The following NME7 variants were observed in gnomAD, a reference collection of about 807,000 sequenced individuals.
NME7 encodes the protein nucleoside diphosphate kinase 7.
A neutral mutation model predicts 49.1 loss-of-function variants in NME7; 41 were observed. That is an observed-to-expected ratio of 0.83 (90% CI 0.65 to 1.08). NME7 has a LOEUF of 1.08. Among genes scored for constraint, NME7 ranks in the 50% least tolerant of loss-of-function variants. NME7 has a pLI of 0.00. For missense variants in NME7, 423 were observed against 463.4 expected (o/e 0.91, Z 0.80); for synonymous variants, 139 against 150.6 (o/e 0.92, Z 0.56).
chr1:169,141,557 AG>A, intron 11 of NME7, among the ~76,000 whole-genome samples: 1 of 139,880 alleles, frequency 7.1e-6, no homozygotes, highest in East Asian at 2.6e-4. Flanking sequence ...TGATATGCTG[AG>A]TGTCCTCATA....
chr1:169,268,165 T>A (rs1649377301), intron 7 of NME7, among the ~76,000 whole-genome samples: 2 of 133,386 alleles, frequency 1.5e-5, no homozygotes, highest in Admixed American at 7.3e-5. Context: ...AAGACACACA[T>A]GCAGCCAACA....
intron 1 of NME7, among the ~76,000 whole-genome samples, chr1:169,350,584 T>C (rs1340629893): frequency 1.3e-5 from 2 of 151,958 alleles, no homozygotes; most frequent in Non-Finnish European, 2.9e-5. Context: ...TCCCTCTTTA[T>C]TGGTCCTGGA....
chr1:169,255,120 G>A (rs1324809269), intron 7 of NME7, among the ~76,000 whole-genome samples: 2 of 135,520 alleles, frequency 1.5e-5, no homozygotes, highest in African/African-American at 5.1e-5. Flanking sequence ...GGGTATCCTT[G>A]TTGACTTTCT....
chr1:169,341,441 G>T (rs1462731671), intron 1 of NME7, among the ~76,000 whole-genome samples: 1 of 152,232 alleles, frequency 6.6e-6, no homozygotes, highest in African/African-American at 2.4e-5. Flanking sequence ...AGCCCTCATG[G>T]AGAGCCTCTA....
At chr1:169,337,301 C>T (rs997468916) in intron 1 of NME7, among the ~76,000 whole-genome samples, 2 of 152,196 alleles carry the variant, frequency 1.3e-5, no homozygotes, top group African/African-American at 4.8e-5. Context: ...CCAGTACACC[C>T]TCCGCAGCTG....
chr1:169,136,362 A>G (rs2101803785), intron 11 of NME7, among the ~76,000 whole-genome samples: 1 of 152,334 alleles, frequency 6.6e-6, no homozygotes, highest in African/African-American at 2.4e-5. Flanking sequence ...AGAAAATGAA[A>G]CATAATAGAT....
chr1:169,167,211 T>TAAAC (rs34903596), intron 11 of NME7, among the ~76,000 whole-genome samples: 56,038 of 151,634 alleles, frequency 0.37, 10,865 homozygotes, highest in East Asian at 0.73. Context: ...TTATTATTAA[T>TAAAC]AATATTGTGA....
At chr1:169,288,691 A>G (rs539339459) in intron 6 of NME7, among the ~76,000 whole-genome samples, 55 of 152,220 alleles carry the variant, frequency 3.6e-4, no homozygotes, top group Non-Finnish European at 7.3e-4. Context: ...GTAAGACACT[A>G]GAATAAAAAG....
At chr1:169,203,499 C>A (rs1239748912) in intron 10 of NME7, among the ~76,000 whole-genome samples, 1 of 152,120 alleles carries the variant, frequency 6.6e-6, no homozygotes, top group Non-Finnish European at 1.5e-5. Flanking sequence ...GAGACTGCAA[C>A]ACCATGTTCA....
intron 1 of NME7, among the ~76,000 whole-genome samples, chr1:169,326,529 T>C (rs1652063359): frequency 6.6e-6 from 1 of 152,066 alleles, no homozygotes; most frequent in African/African-American, 2.4e-5. Flanking sequence ...AAGAAGCTGG[T>C]AGAGGGAGCC....
intron 7 of NME7, among the ~76,000 whole-genome samples, chr1:169,243,938 A>G (rs556699936): frequency 1.3e-5 from 2 of 152,308 alleles, no homozygotes; most frequent in Admixed American, 1.3e-4. Flanking sequence ...TGAATTTCAA[A>G]CCCAGTTTTG....
chr1:169,342,997 G>GTA (rs35893899), intron 1 of NME7, among the ~76,000 whole-genome samples: 8,931 of 44,216 alleles, frequency 0.2, 2,483 homozygotes, highest in Non-Finnish European at 0.29. Flanking sequence ...ACTTGTATTA[G>GTA]TATATATATA....
chr1:169,147,969 A>G (rs945117311), intron 11 of NME7, among the ~76,000 whole-genome samples: 2 of 151,390 alleles, frequency 1.3e-5, no homozygotes, highest in Non-Finnish European at 2.9e-5. Flanking sequence ...AAATAATTTC[A>G]ATTTCTTGAA....
intron 11 of NME7, chr1:169,168,832 A>G (rs943047373): frequency 8.8e-6 from 4 of 454,534 alleles, no homozygotes; most frequent in Non-Finnish European, 1.8e-5. Context: ...TATTTTTTTG[A>G]TATTTCTAGG....
At chr1:169,367,554 G>A (rs1653922560) in intron 1 of NME7, among the ~76,000 whole-genome samples, 154 bp downstream of exon 1, 2 of 152,166 alleles carry the variant, frequency 1.3e-5, no homozygotes, top group Non-Finnish European at 2.9e-5. Flanking sequence ...GGAGAGCGAG[G>A]AGACTGCAGG....
intron 7 of NME7, chr1:169,287,086 A>G (rs1650304092): frequency 2.1e-6 from 1 of 473,628 alleles, no homozygotes; most frequent in Non-Finnish European, 3.7e-6. Flanking sequence ...CATGATCAGC[A>G]ACTCAAAGAA....
At chr1:169,290,837 C>T (rs1571360497) in intron 6 of NME7, among the ~76,000 whole-genome samples, 1 of 152,002 alleles carries the variant, frequency 6.6e-6, no homozygotes, top group Non-Finnish European at 1.5e-5. Flanking sequence ...ACAAACAGCC[C>T]CATCAAAAAG....
At chr1:169,223,880 A>C (rs1377924026) in intron 10 of NME7, among the ~76,000 whole-genome samples, 1 of 152,122 alleles carries the variant, frequency 6.6e-6, no homozygotes, top group East Asian at 1.9e-4. Context: ...TGTATATTGA[A>C]AGCCATGCCT....
intron 7 of NME7, among the ~76,000 whole-genome samples, chr1:169,242,960 T>A (rs1434718166): frequency 6.6e-6 from 1 of 152,086 alleles, no homozygotes; most frequent in Non-Finnish European, 1.5e-5. Flanking sequence ...ACAATAAAGA[T>A]GTCAATTCTC....
Sources: allele counts gnomAD v4.1 joint callset (sites outside exome capture counted in the v4.1 genomes callset), GRCh38; gene constraint gnomAD v4.1.1; transcripts MANE v1.5; gene names NCBI Gene and HGNC (gene_info 2026-07-23, HGNC 2026-07-21).